SNRPN: variants seen among roughly 807,000 people sequenced by gnomAD.
The protein encoded by SNRPN is small nuclear ribonucleoprotein polypeptide N.
A neutral mutation model predicts 25.2 loss-of-function variants in SNRPN; 7 were observed. The observed-to-expected ratio is 0.28, with a 90% CI of 0.16 to 0.52. The LOEUF is 0.52. Among genes scored for constraint, SNRPN ranks in the 20% least tolerant of loss-of-function variants. The probability of loss-of-function intolerance (pLI) is 0.96; values close to 1 mark genes in which losing one functional copy is unlikely to be tolerated. For synonymous variants in SNRPN, 124 were observed against 110.6 expected (o/e 1.12, Z -0.76); for missense variants, 196 against 322.5 (o/e 0.61, Z 3.00).
chr15:24,962,282 T>C, intron 2 of SNRPN, 73 bp downstream of exon 2: 1 of 1,188,584 alleles, frequency 8.4e-7, no homozygotes, highest in South Asian at 1.2e-5. Context: ...TATCATGCAA[T>C]GAGGGGATTA....
At chr15:24,881,209 A>G (rs977971196) in intron 1 of SNRPN, among the ~76,000 whole-genome samples, 1 of 152,034 alleles carries the variant, frequency 6.6e-6, no homozygotes, top group Non-Finnish European at 1.5e-5. Context: ...TTTCATTGCT[A>G]TCAAGAGTGT....
chr15:24,973,801 A>T (rs1440197314), intron 3 of SNRPN, among the ~76,000 whole-genome samples: 2 of 152,208 alleles, frequency 1.3e-5, no homozygotes, highest in African/African-American at 4.8e-5. Flanking sequence ...CTCTTTTGAC[A>T]TGGGAAGTCT....
At chr15:24,967,161 C>T (rs1041288816) in intron 2 of SNRPN, 3 of 152,192 alleles carry the variant, frequency 2.0e-5, no homozygotes, top group African/African-American at 7.2e-5. Flanking sequence ...AAGTGAGTGA[C>T]TATATATGGT....
chr15:24,908,915 G>T, intron 2 of SNRPN: 1 of 963,280 alleles, frequency 1.0e-6, no homozygotes. Flanking sequence ...AATCATCATA[G>T]AAAATTGTTT....
At chr15:24,917,826 T>C (rs1174404522) in intron 2 of SNRPN, among the ~76,000 whole-genome samples, 1 of 152,258 alleles carries the variant, frequency 6.6e-6, no homozygotes, top group Admixed American at 6.5e-5. Flanking sequence ...GTCTTAACAA[T>C]GTACCCTGTA....
chr15:24,969,232 G>A (rs755242304), intron 3 of SNRPN, among the ~76,000 whole-genome samples: 5 of 152,096 alleles, frequency 3.3e-5, no homozygotes, highest in Non-Finnish European at 5.9e-5. Context: ...AGGTTCAACT[G>A]ATTTTCCTGC....
At chr15:24,848,191 G>A (rs950384450) in intron 2 of SNRPN, among the ~76,000 whole-genome samples, 2 of 146,142 alleles carry the variant, frequency 1.4e-5, no homozygotes, top group Admixed American at 6.9e-5. Flanking sequence ...GGTGCGCTGT[G>A]GGAAGGTCAC....
chr15:24,853,112 GTT>G (rs1349615740), upstream of SNRPN, among the ~76,000 whole-genome samples: 1 of 152,150 alleles, frequency 6.6e-6, no homozygotes, highest in African/African-American at 2.4e-5. Flanking sequence ...AATATAAAGA[GTT>G]TACATATACC....
At chr15:24,932,530 A>T (rs1430297635) in intron 3 of SNRPN, among the ~76,000 whole-genome samples, 1 of 151,704 alleles carries the variant, frequency 6.6e-6, no homozygotes, top group African/African-American at 2.4e-5. Context: ...CACTGTGCCC[A>T]GCGTAAGACC....
intron 3 of SNRPN, among the ~76,000 whole-genome samples, chr15:24,938,359 C>T (rs2061361918): frequency 6.6e-6 from 1 of 152,170 alleles, no homozygotes; most frequent in Non-Finnish European, 1.5e-5. Flanking sequence ...AACTCTTGAA[C>T]TCAAGTGATC....
rs1038936785 is a variant in SNRPN, at chr15:24,975,539, G to A, written c.155+30G>A. ...GGCTGATTTGGGCAAATGGGGGTTGGACACAGAGGCAGTGGGAAGGGAAGG... is the reference window on the plus strand; with the variant it reads ...GGCTGATTTGGGCAAATGGGGGTTGAACACAGAGGCAGTGGGAAGGGAAGG... On this transcript the variant is annotated intron_variant, in intron 5 of 9. Coordinates refer to ENST00000390687, the MANE Select transcript of SNRPN (RefSeq NM_003097.6). The A allele has an allele frequency of 1.9e-6, 3 of 1,599,912 alleles. No individual in the cohort carries two copies. The African/African-American group carries it at 4.0e-5, about 21-fold the overall frequency.
chr15:24,853,290 A>G (rs1345633571), upstream of SNRPN, among the ~76,000 whole-genome samples: 1 of 152,176 alleles, frequency 6.6e-6, no homozygotes, highest in Non-Finnish European at 1.5e-5. Flanking sequence ...CCAGGATGAC[A>G]CATCATATTT....
At chr15:24,826,797 TTAAAC>T (rs1700213039) in intron 1 of SNRPN, among the ~76,000 whole-genome samples, 3 of 152,154 alleles carry the variant, frequency 2.0e-5, no homozygotes, top group African/African-American at 4.8e-5. Flanking sequence ...TCTCTGCCAA[TTAAAC>T]TAGAGTCACG....
intron 1 of SNRPN, among the ~76,000 whole-genome samples, chr15:24,879,176 T>C (rs1199127547): frequency 6.6e-6 from 1 of 152,212 alleles, no homozygotes. Context: ...GGCTCACGCC[T>C]GTAATCCTAG....
chr15:24,950,038 T>A (rs1465591116), upstream of SNRPN, among the ~76,000 whole-genome samples: 2 of 152,020 alleles, frequency 1.3e-5, no homozygotes, highest in African/African-American at 4.8e-5. Flanking sequence ...ATCAGGGAGA[T>A]CTTGGACTCC....
chr15:24,828,164 T>C (rs2050234864), intron 1 of SNRPN, among the ~76,000 whole-genome samples: 2 of 152,268 alleles, frequency 1.3e-5, no homozygotes, highest in South Asian at 4.1e-4. Flanking sequence ...ATTTTGACTA[T>C]GATAGTTCTA....
At chr15:24,855,812 AAAG>A (rs2053329976), upstream of SNRPN, among the ~76,000 whole-genome samples, 3 of 147,236 alleles carry the variant, frequency 2.0e-5, no homozygotes, top group African/African-American at 7.7e-5. Flanking sequence ...AAAAAAAAAA[AAAG>A]GTATTCTACC....
At chr15:24,914,547 A>C (rs1019277753) in intron 2 of SNRPN, among the ~76,000 whole-genome samples, 5 of 152,158 alleles carry the variant, frequency 3.3e-5, no homozygotes, top group African/African-American at 4.8e-5. Flanking sequence ...CCACACACAA[A>C]AATTAAAAAT....
At chr15:24,864,344 T>C (rs61267475) in intron 1 of SNRPN, among the ~76,000 whole-genome samples, 28 of 47,000 alleles carry the variant, frequency 6.0e-4, no homozygotes, top group South Asian at 9.3e-4. Context: ...CTTTTCTTTT[T>C]TTTTTTTTTT....
Sources: allele counts gnomAD v4.1 joint callset (sites outside exome capture counted in the v4.1 genomes callset), GRCh38; gene constraint gnomAD v4.1.1; transcripts MANE v1.5; gene names NCBI Gene and HGNC (gene_info 2026-07-23, HGNC 2026-07-21).